The following BDP1 variants were observed in gnomAD, a reference collection of about 807,000 sequenced individuals.
BDP1 encodes BDP1 general transcription factor IIIB subunit, also known as transcription factor TFIIIB component B'' homolog.
A neutral mutation model predicts 266.6 loss-of-function variants in BDP1; 169 were observed. The ratio of observed to expected loss-of-function variants is 0.63; its 90% CI spans 0.56 to 0.72. BDP1 has a LOEUF of 0.72. BDP1 is among the 30% of genes least tolerant of loss of function. BDP1 has a pLI of 0.00. For synonymous variants in BDP1, 1,090 were observed against 1,022.4 expected, an observed-to-expected ratio of 1.07 and a Z score of -1.26; for missense variants, 3,015 against 3,053.8, an observed-to-expected ratio of 0.99 and a Z score of 0.30.
intron 32 of BDP1, among the ~76,000 whole-genome samples, chr5:71,547,313 C>T (rs1742403354): frequency 6.6e-6 from 1 of 152,184 alleles, no homozygotes; most frequent in South Asian, 2.1e-4. Flanking sequence ...TCTAGGCTGG[C>T]CTACAGTCTG....
At chr5:71,530,623 G>A (rs7707545) in intron 25 of BDP1, among the ~76,000 whole-genome samples, 2,351 of 151,788 alleles carry the variant, frequency 0.015, 64 homozygotes, top group African/African-American at 0.053. Flanking sequence ...AGGCTCAAGC[G>A]ACCCTCACAC....
intron 33 of BDP1, 144 bp downstream of exon 33, chr5:71,548,889 G>T (rs1742532563): frequency 6.1e-6 from 4 of 651,814 alleles, no homozygotes; most frequent in Non-Finnish European, 1.1e-5. Flanking sequence ...ACACCTTGAA[G>T]TATTTTGTGT....
chr5:71,514,913 C>G, intron 19 of BDP1, 31 bp from the exon 20 acceptor site: 6 of 1,497,332 alleles, frequency 4.0e-6, no homozygotes, highest in Non-Finnish European at 5.4e-6. Context: ...CTTTTAGCAA[C>G]TGTGAATGAA....
rs2111991885 is a variant in BDP1 at position 71,553,252 on chromosome 5, G to T, written c.7132G>T (p.Asp2378Tyr). ...ATTTCAATGCAGGCTTGATAAAAAT[G>T]ACCACATTCCTCCTGCCAAAAAACG... ...KRFQCRLDKN[D>Y]HIPPAKKRSL... The change falls in exon 35 of 39, where the codon GAC becomes TAC. Residue 2378 changes from aspartate to tyrosine, a missense_variant. Physicochemically the swap from Asp to Tyr is radical, Grantham distance 160. Transcript: ENST00000358731. 4 of 1,613,290 alleles carry T rather than the reference G, an allele frequency of 2.5e-6. No homozygotes were observed. The highest frequency in any genetic ancestry group is 2.2e-5 in the East Asian group (1 of 44,830).
chr5:71,491,041 T>G lies in BDP1; in HGVS notation c.1550T>G (p.Met517Arg). The G allele has an allele frequency of 6.2e-7, 1 of 1,614,040 alleles. No individual in the cohort carries two copies. Residue 517 changes from methionine (M) to arginine (R), a missense_variant, in exon 11 of 39, where the codon ATG becomes AGG. Physicochemically the swap from Met to Arg is moderately conservative, Grantham distance 91 (BLOSUM62 -1). Coordinates refer to ENST00000358731, the MANE Select transcript of BDP1 (RefSeq NM_018429.3). ...LKEGECSKEQ[M>R]LSCTQNIDGI... ...GAAGGTGAATGCAGTAAGGAGCAGA[T>G]GCTTTCCTGCACACAAAACATAGAT...
chr5:71,557,635 C>T (rs1743321465), intron 36 of BDP1, among the ~76,000 whole-genome samples: 1 of 83,398 alleles, frequency 1.2e-5, no homozygotes. Flanking sequence ...CTGCCGGCCT[C>T]GAAATTTTTG....
intron 13 of BDP1, among the ~76,000 whole-genome samples, chr5:71,497,815 A>G (rs1187294951): frequency 2.6e-5 from 4 of 152,088 alleles, no homozygotes; most frequent in Admixed American, 6.6e-5. Context: ...GTCTTGCTCT[A>G]TTGCCCAGGC....
intron 32 of BDP1, among the ~76,000 whole-genome samples, chr5:71,546,356 C>T (rs1431062083): frequency 2.6e-5 from 4 of 151,908 alleles, no homozygotes; most frequent in African/African-American, 4.8e-5. Context: ...GGGTAGCTCA[C>T]GCCTGTAATC....
rs763504031 is a variant in BDP1 at position 71,510,277 on chromosome 5, C to G, written c.3185C>G (p.Thr1062Arg). 2 of 1,613,314 alleles carry G rather than the reference C, an allele frequency of 1.2e-6. No individual in the cohort carries two copies. The highest frequency in any genetic ancestry group is 2.7e-5 in the African/African-American group (2 of 74,660). The change falls in exon 17 of 39, where the codon ACG becomes AGG. Residue 1062 changes from threonine (T) to arginine (R), a missense_variant. Coordinates refer to ENST00000358731, the MANE Select transcript of BDP1 (RefSeq NM_018429.3). ...EEVKPLGEME[T>R]DLKATGRDSF... ...GTCAAGCCTCTAGGTGAAATGGAGA[C>G]GGATTTGAAAGCAACTGGAAGAGAC...
At chr5:71,511,362 A>G in intron 17 of BDP1, 1 of 542,880 alleles carries the variant, frequency 1.8e-6, no homozygotes, top group Non-Finnish European at 3.1e-6. Flanking sequence ...GCACACCTTT[A>G]AACCCAACAC....
the BDP1 span, among the ~76,000 whole-genome samples, chr5:71,576,485 A>G: frequency 2.6e-5 from 4 of 152,316 alleles, no homozygotes; most frequent in South Asian, 4.2e-4. Context: ...TGGTTATATT[A>G]ATGTAACCGG....
At chr5:71,500,316 C>CTTTTT (rs58201517) in intron 13 of BDP1, among the ~76,000 whole-genome samples, 3 of 73,116 alleles carry the variant, frequency 4.1e-5, no homozygotes, top group Admixed American at 1.5e-4. Context: ...AATCTTGTTT[C>CTTTTT]TTTTTTTTTT....
intron 32 of BDP1, among the ~76,000 whole-genome samples, chr5:71,547,128 C>T (rs191116352): frequency 9.9e-5 from 15 of 152,060 alleles, no homozygotes; most frequent in African/African-American, 3.6e-4. Flanking sequence ...GCTGGGATTA[C>T]AGGTGTGAGC....
rs753534897 is a variant in BDP1 at position 71,542,231 on chromosome 5, T to G, written c.6378T>G (p.Cys2126Trp). 1.2e-5 allele frequency: 20 copies of G among 1,613,026 alleles called. No individual in the cohort carries two copies. The South Asian group carries it at 1.8e-4, about 14-fold the overall frequency. The change falls in exon 30 of 39, where the codon TGT (cysteine) becomes TGG (tryptophan). Residue 2126 changes from cysteine to tryptophan, a missense_variant. This residue lies in a region of BDP1 where 629 missense variants were observed against 632.5 expected (regional missense o/e 0.99). Transcript: ENST00000358731. ...LDDYQEVSSL[C>W]VTKGAEMETQ... ...ATTATCAGGAAGTTTCCAGTTTGTGTGTAACCAAAGGGGCAGAAATGGAAA... is the reference window on the plus strand; with the variant it reads ...ATTATCAGGAAGTTTCCAGTTTGTGGGTAACCAAAGGGGCAGAAATGGAAA...
At chr5:71,463,004 A>G (rs77628706) in intron 3 of BDP1, among the ~76,000 whole-genome samples, 1,918 of 152,102 alleles carry the variant, frequency 0.013, 48 homozygotes, top group African/African-American at 0.043. Context: ...ATTGTGGCGC[A>G]CAGGAGGCTG....
intron 16 of BDP1, among the ~76,000 whole-genome samples, chr5:71,507,835 A>G (rs1291407629): frequency 1.3e-5 from 2 of 152,258 alleles, no homozygotes; most frequent in South Asian, 2.1e-4. Flanking sequence ...TACAATTTGA[A>G]AAGCAATCTT....
At chr5:71,499,286 GA>G (rs1330974239) in intron 13 of BDP1, among the ~76,000 whole-genome samples, 1 of 152,046 alleles carries the variant, frequency 6.6e-6, no homozygotes, top group Non-Finnish European at 1.5e-5. Flanking sequence ...TTTTAGTAGA[GA>G]CTAGGTTTCA....
intron 7 of BDP1, among the ~76,000 whole-genome samples, chr5:71,477,108 A>G (rs1297701058): frequency 6.6e-6 from 1 of 150,924 alleles, no homozygotes; most frequent in African/African-American, 2.4e-5. Context: ...CAGCCTCCCA[A>G]AGTGCGGGGA....
chr5:71,562,330 A>G lies in BDP1; in HGVS notation c.7553A>G (p.Glu2518Gly). Reference sequence around the variant, plus strand: ...TTAATATGCTCAAAGAATAGTTTGGAGTCTGATGAACCTATGCAAGTCCAT... The same window carrying G: ...TTAATATGCTCAAAGAATAGTTTGGGGTCTGATGAACCTATGCAAGTCCAT... ...LSLICSKNSLESDEPMQVHSK... is the reference protein window; with the variant it reads ...LSLICSKNSLGSDEPMQVHSK... Residue 2518 changes from glutamate (E) to glycine (G), a missense_variant, in exon 38 of 39, where the codon GAG becomes GGG. Physicochemically the swap from Glu to Gly is moderately conservative, Grantham distance 98. Coordinates refer to ENST00000358731, the MANE Select transcript of BDP1 (RefSeq NM_018429.3). The G allele has an allele frequency of 6.2e-7, 1 of 1,611,954 alleles. No homozygotes were observed. The highest frequency in any genetic ancestry group is 8.5e-7 in the Non-Finnish European group (1 of 1,178,800).
Sources: allele counts gnomAD v4.1 joint callset (sites outside exome capture counted in the v4.1 genomes callset), GRCh38; gene constraint gnomAD v4.1.1; regional missense constraint gnomAD v4.1.1; transcripts MANE v1.5; gene names NCBI Gene and HGNC (gene_info 2026-07-23, HGNC 2026-07-21).